Variants in WIPF2 observed in about 807,000 individuals in gnomAD.
WIPF2 encodes the protein WAS/WASL interacting protein family member 2, also known as WAS/WASL-interacting protein family member 2.
Under a neutral mutation model 38.8 loss-of-function variants are expected in WIPF2, and 23 were observed. The ratio of observed to expected loss-of-function variants is 0.59; its 90% confidence interval spans 0.43 to 0.84. The LOEUF is 0.84. WIPF2 is among the 40% of genes least tolerant of loss of function. The probability of loss-of-function intolerance (pLI) is 0.00; values close to 1 mark genes in which losing one functional copy is unlikely to be tolerated. For missense variants in WIPF2, 574 were observed against 580.5 expected (o/e 0.99, Z 0.11); for synonymous variants, 210 against 223.2 (o/e 0.94, Z 0.53).
intron 1 of WIPF2, among the ~76,000 whole-genome samples, chr17:40,248,823 T>C (rs2031461943): frequency 6.6e-6 from 1 of 152,344 alleles, no homozygotes; most frequent in East Asian, 1.9e-4. Flanking sequence ...TTTACCTATC[T>C]CTGTTTCTTT....
intron 1 of WIPF2, chr17:40,220,594 T>TAC (rs2030161129): frequency 1.3e-5 from 1 of 79,976 alleles, no homozygotes; most frequent in Middle Eastern, 6.3e-3. Context: ...TATATATATA[T>TAC]ATATATATAT....
chr17:40,259,177 C>T (rs141825199), intron 2 of WIPF2, among the ~76,000 whole-genome samples: 2,294 of 151,092 alleles, frequency 0.015, 30 homozygotes, highest in Non-Finnish European at 0.023. Flanking sequence ...CTGTGCCGGC[C>T]GGCCTCGTGC....
At position 40,267,522 on chromosome 17, in the gene WIPF2, T is replaced by G. The variant is rs370630439; in HGVS notation, c.970+2376T>G. ...AGACATACCCTCCACAAACAGCTTCTTGGCCTTTATTTATTTATTTGTTTG... is the reference window on the plus strand; with the variant it reads ...AGACATACCCTCCACAAACAGCTTCGTGGCCTTTATTTATTTATTTGTTTG... On this transcript the variant is annotated intron_variant, in intron 5 of 7. Coordinates refer to ENST00000323571, the MANE Select transcript of WIPF2 (RefSeq NM_133264.5). Among the ~76,000 whole-genome samples, 236 of 152,284 alleles carry G rather than the reference T, an allele frequency of 1.5e-3. 4 individuals carry two copies. In the South Asian group the frequency reaches 0.017, roughly 11 times the overall value.
At chr17:40,220,096 A>T (rs1342231690) in intron 1 of WIPF2, among the ~76,000 whole-genome samples, 1 of 151,600 alleles carries the variant, frequency 6.6e-6, no homozygotes, top group Non-Finnish European at 1.5e-5. Flanking sequence ...GAACGTCTGG[A>T]GTTGAGGGTT....
chr17:40,222,344 G>A (rs1013713378), intron 1 of WIPF2, among the ~76,000 whole-genome samples: 10 of 151,340 alleles, frequency 6.6e-5, no homozygotes, highest in South Asian at 2.1e-4. Flanking sequence ...GAGCCACCGC[G>A]CCTGGCCGAC....
intron 6 of WIPF2, among the ~76,000 whole-genome samples, chr17:40,274,576 A>G (rs2032335964): frequency 1.3e-5 from 2 of 148,366 alleles, no homozygotes; most frequent in Admixed American, 6.7e-5. Context: ...AAAAAAAAAA[A>G]AAAAAAAAAA....
In WIPF2 at chr17:40,282,133, A is replaced by C. The variant is rs1028394333; in HGVS notation, c.*3908A>C. 3 of 151,430 alleles carry C rather than the reference A, an allele frequency of 2.0e-5. No homozygotes were observed. Among genetic ancestry groups the C allele is most frequent in the African/African-American group, 7.3e-5 (3 of 41,144 alleles). The allele number at this position is 151,430 out of a possible 1,614,324, so 9.4% of individuals were successfully genotyped here. On this transcript the variant is annotated 3_prime_UTR_variant, in exon 8 of 8. Coordinates refer to ENST00000323571, the MANE Select transcript of WIPF2 (RefSeq NM_133264.5). ...ACGCAAAAAAAAAAAAAAAAAAAAA[A>C]AGGATAACTTTAACCGAAGGAAGGG... is the stretch of plus-strand genomic sequence containing the variant.
chr17:40,256,574 A>C (rs748561390), intron 2 of WIPF2, 52 bp downstream of exon 2: 1 of 1,543,286 alleles, frequency 6.5e-7, no homozygotes. Flanking sequence ...AAATAGGTTG[A>C]TGGTCCTCAC....
chr17:40,270,553 G>T (rs906915196), intron 5 of WIPF2, among the ~76,000 whole-genome samples: 1 of 151,998 alleles, frequency 6.6e-6, no homozygotes. Flanking sequence ...AGCTGGTGTC[G>T]GTGTCCTTGT....
At chr17:40,246,287 C>T (rs1286387796) in intron 1 of WIPF2, among the ~76,000 whole-genome samples, 4 of 151,596 alleles carry the variant, frequency 2.6e-5, no homozygotes, top group South Asian at 2.1e-4. Context: ...GGTTTCACCA[C>T]GTTGGCCAGG....
chr17:40,243,045 A>G (rs562576353), intron 1 of WIPF2, among the ~76,000 whole-genome samples: 3 of 152,156 alleles, frequency 2.0e-5, no homozygotes, highest in Non-Finnish European at 4.4e-5. Context: ...CTGGTTATTT[A>G]ATTGAACACA....
chr17:40,252,074 G>A (rs1405561688), intron 1 of WIPF2, among the ~76,000 whole-genome samples: 3 of 152,106 alleles, frequency 2.0e-5, no homozygotes, highest in Non-Finnish European at 4.4e-5. Flanking sequence ...ATAGGCAAGC[G>A]CCACTGATGA....
At chr17:40,243,736 G>T (rs2031269269) in intron 1 of WIPF2, among the ~76,000 whole-genome samples, 2 of 151,762 alleles carry the variant, frequency 1.3e-5, no homozygotes, top group Non-Finnish European at 2.9e-5. Context: ...GGCCAGGCTG[G>T]TCTAAAACTC....
At chr17:40,263,644 G>C (rs944475777) in intron 4 of WIPF2, among the ~76,000 whole-genome samples, 21 of 143,862 alleles carry the variant, frequency 1.5e-4, no homozygotes, top group African/African-American at 5.4e-4. Flanking sequence ...CTGGGTTCAA[G>C]CCATTCTCCT....
At chr17:40,223,828 G>C (rs1315315732) in intron 1 of WIPF2, among the ~76,000 whole-genome samples, 1 of 151,892 alleles carries the variant, frequency 6.6e-6, no homozygotes, top group Admixed American at 6.6e-5. Context: ...CTTGTGATCT[G>C]CCAGTCTCGG....
intron 6 of WIPF2, among the ~76,000 whole-genome samples, chr17:40,274,662 T>C (rs914725451): frequency 1.1e-4 from 16 of 147,086 alleles, no homozygotes; most frequent in African/African-American, 3.0e-4. Flanking sequence ...GAAAAAAGGA[T>C]TGGGCGTGGT....
At chr17:40,230,394 A>C (rs980352004) in intron 1 of WIPF2, among the ~76,000 whole-genome samples, 1 of 152,166 alleles carries the variant, frequency 6.6e-6, no homozygotes, top group Non-Finnish European at 1.5e-5. Context: ...TCAGCTTCTA[A>C]AATAGGGCTT....
chr17:40,242,017 A>G (rs1017325930), intron 1 of WIPF2, among the ~76,000 whole-genome samples: 1 of 152,214 alleles, frequency 6.6e-6, no homozygotes, highest in Non-Finnish European at 1.5e-5. Context: ...GTTATTAACT[A>G]AAATACAGCT....
In WIPF2 at chr17:40,284,127, A is replaced by G. The variant is rs2032610477; in HGVS notation, c.*5902A>G. ...AATATGGTTAATAAACTACCTATTT[A>G]TTGATTGAATTGTTCCTCCTGACTT... is the stretch of plus-strand genomic sequence containing the variant. On this transcript the variant is annotated 3_prime_UTR_variant, in exon 8 of 8. Coordinates refer to ENST00000323571, the MANE Select transcript of WIPF2 (RefSeq NM_133264.5). 6.6e-6 allele frequency: 1 copy of G among 152,164 alleles called. No homozygotes were observed. The highest frequency in any genetic ancestry group is 2.1e-4 in the South Asian group (1 of 4,828). 9.4% of individuals were successfully genotyped at this position (152,164 alleles called of 1,614,324 possible).
Sources: allele counts gnomAD v4.1 joint callset (sites outside exome capture counted in the v4.1 genomes callset), GRCh38; gene constraint gnomAD v4.1.1; transcripts MANE v1.5; gene names NCBI Gene and HGNC (gene_info 2026-07-23, HGNC 2026-07-21).